The following FAM81A variants were observed in gnomAD, a reference collection of about 807,000 sequenced individuals.
FAM81A encodes protein FAM81A.
Under a neutral mutation model 46.7 loss-of-function variants are expected in FAM81A, and 19 were observed. The observed-to-expected ratio is 0.41, with a 90% CI of 0.28 to 0.60. FAM81A has a LOEUF of 0.60. Among genes scored for constraint, FAM81A ranks in the 20% least tolerant of loss-of-function variants. FAM81A has a pLI of 0.34. For missense variants in FAM81A, 377 were observed against 453.5 expected (o/e 0.83, Z 1.53); for synonymous variants, 183 against 152.9 (o/e 1.20, Z -1.45).
At chr15:59,473,488 A>T (rs74354305) in intron 3 of FAM81A, among the ~76,000 whole-genome samples, 4 of 152,342 alleles carry the variant, frequency 2.6e-5, no homozygotes, top group African/African-American at 9.6e-5. Flanking sequence ...TGTCCCCTGC[A>T]GATAAGAGGG....
At chr15:59,414,762 G>A (rs940908523) in intron 2 of FAM81A, among the ~76,000 whole-genome samples, 11 of 152,134 alleles carry the variant, frequency 7.2e-5, no homozygotes, top group East Asian at 3.8e-4. Context: ...GCAAACTGGT[G>A]TATTTAGCGA....
intron 3 of FAM81A, among the ~76,000 whole-genome samples, chr15:59,462,480 C>T (rs2081564490): frequency 6.6e-6 from 1 of 152,052 alleles, no homozygotes. Context: ...AAGTCTTCTA[C>T]CCATTTTATT....
At chr15:59,476,651 C>T (rs574480982) in intron 3 of FAM81A, among the ~76,000 whole-genome samples, 1 of 151,478 alleles carries the variant, frequency 6.6e-6, no homozygotes, top group South Asian at 2.1e-4. Flanking sequence ...TTAGCTGGGC[C>T]TGATGGCATG....
chr15:59,404,190 T>G lies in FAM81A; in HGVS notation c.-78+1832T>G, dbSNP rs547979699. ...AACCACCATGCCCGGCCTGAATTGTTTCTAAAGGTAAACCTCTACAAACAA... is the reference window on the plus strand; with the variant it reads ...AACCACCATGCCCGGCCTGAATTGTGTCTAAAGGTAAACCTCTACAAACAA... On this transcript the variant is annotated intron_variant, in intron 2 of 4. Transcript: ENST00000558348. 2.6e-5 allele frequency among the ~76,000 whole-genome samples: 4 copies of G among 152,080 alleles called. No homozygotes were observed. The South Asian group carries it at 8.3e-4, about 32-fold the overall frequency.
At chr15:59,405,055 AG>A (rs752537584) in intron 2 of FAM81A, among the ~76,000 whole-genome samples, 4 of 152,134 alleles carry the variant, frequency 2.6e-5, no homozygotes, top group Non-Finnish European at 4.4e-5. Context: ...CTTTCTTCCA[AG>A]CTTTGTTTCT....
chr15:59,415,788 G>C (rs1193653624), intron 2 of FAM81A, among the ~76,000 whole-genome samples: 2 of 152,188 alleles, frequency 1.3e-5, no homozygotes, highest in Admixed American at 1.3e-4. Flanking sequence ...GCTGAGAGGA[G>C]TTAGCTGCTC....
chr15:59,508,964 C>T lies in FAM81A; in HGVS notation c.645C>T (p.Asp215=). ...GTAACCACCAGCTTCAGCTTTTGGACACTAAGTAAGCAATCAATTTATTAA... is the reference window on the plus strand; with the variant it reads ...GTAACCACCAGCTTCAGCTTTTGGATACTAAGTAAGCAATCAATTTATTAA... ...RDSNHQLQLL[D]TKFKGTVEEL... Residue 215 remains aspartate (D), a synonymous_variant, in exon 6 of 9, where the codon GAC becomes GAT. Coordinates refer to ENST00000288228, the MANE Select transcript of FAM81A (RefSeq NM_152450.3). 2 of 1,611,066 alleles carry T rather than the reference C, an allele frequency of 1.2e-6. No individual in the cohort carries two copies. The highest frequency in any genetic ancestry group is 1.7e-4 in the Middle Eastern group (1 of 6,046).
intron 3 of FAM81A, among the ~76,000 whole-genome samples, chr15:59,473,608 C>G (rs1246806710): frequency 6.6e-6 from 1 of 152,184 alleles, no homozygotes; most frequent in Non-Finnish European, 1.5e-5. Context: ...GAACTCAGCT[C>G]TGTTCCCTTT....
chr15:59,402,050 A>AC (rs2081073512), intron 1 of FAM81A: 2 of 544,988 alleles, frequency 3.7e-6, no homozygotes, highest in Admixed American at 6.1e-5. Context: ...GGTGCGAAAA[A>AC]CGCTCTCAAT....
intron 1 of FAM81A, among the ~76,000 whole-genome samples, chr15:59,458,238 G>A (rs2081507480): frequency 6.6e-6 from 1 of 152,168 alleles, no homozygotes; most frequent in Non-Finnish European, 1.5e-5. Context: ...TGTTAAAAGT[G>A]GTTTCTCAAG....
At chr15:59,420,082 T>C (rs930941752) in intron 2 of FAM81A, among the ~76,000 whole-genome samples, 1 of 152,152 alleles carries the variant, frequency 6.6e-6, no homozygotes, top group Non-Finnish European at 1.5e-5. Flanking sequence ...AATCCTGGCA[T>C]AGAAAATCCA....
intron 2 of FAM81A, among the ~76,000 whole-genome samples, chr15:59,410,788 G>T (rs1293892138): frequency 1.3e-5 from 2 of 152,224 alleles, no homozygotes; most frequent in African/African-American, 4.8e-5. Context: ...CCTTCACCCA[G>T]GCTATTGTGC....
At chr15:59,502,056 A>G (rs1168202612) in intron 4 of FAM81A, among the ~76,000 whole-genome samples, 4 of 151,766 alleles carry the variant, frequency 2.6e-5, no homozygotes, top group Non-Finnish European at 4.4e-5. Flanking sequence ...AAACTCACCA[A>G]TTGTTAACAA....
rs192556994 is a variant in FAM81A at position 59,409,783 on chromosome 15, T to C, written c.-78+7425T>C. Among the ~76,000 whole-genome samples, 11 of 152,308 alleles carry C rather than the reference T, an allele frequency of 7.2e-5. 1 individual carries two copies. Among genetic ancestry groups the C allele is most frequent in the Admixed American group, 6.5e-4 (10 of 15,298 alleles). Reference sequence around the variant, plus strand: ...TTTATCTGCTTTTTTTCTCATCCAATAGTCAGAATAACTCTATATTAGCCT... The same window carrying C: ...TTTATCTGCTTTTTTTCTCATCCAACAGTCAGAATAACTCTATATTAGCCT... On this transcript the variant is annotated intron_variant, in intron 2 of 4. Coordinates refer to the FAM81A transcript ENST00000558348.
At chr15:59,507,491 C>T (rs2082162137) in intron 5 of FAM81A, 149 bp downstream of exon 5, 1 of 1,201,390 alleles carries the variant, frequency 8.3e-7, no homozygotes, top group African/African-American at 1.5e-5. Flanking sequence ...TTGATTCTTC[C>T]TTTCCTATTT....
chr15:59,511,736 C>T (rs2082210795), intron 6 of FAM81A, among the ~76,000 whole-genome samples: 2 of 152,164 alleles, frequency 1.3e-5, no homozygotes, highest in Admixed American at 6.5e-5. Flanking sequence ...ACTGCAACCT[C>T]CACCTCCCGG....
chr15:59,451,803 A>G (rs2081422458), intron 1 of FAM81A, among the ~76,000 whole-genome samples: 2 of 134,218 alleles, frequency 1.5e-5, no homozygotes, highest in African/African-American at 4.9e-5. Flanking sequence ...CATGCTGTGT[A>G]TACCATCCTC....
intron 2 of FAM81A, among the ~76,000 whole-genome samples, chr15:59,430,156 G>C (rs2081213272): frequency 6.6e-6 from 1 of 152,028 alleles, no homozygotes; most frequent in African/African-American, 2.4e-5. Flanking sequence ...ATTTTCACTG[G>C]GAGAAAGAAT....
At chr15:59,504,316 G>A (rs1332958715) in intron 4 of FAM81A, among the ~76,000 whole-genome samples, 1 of 152,042 alleles carries the variant, frequency 6.6e-6, no homozygotes, top group African/African-American at 2.4e-5. Context: ...CAAGTATCTA[G>A]TACAGTACCT....
Sources: gnomAD v4.1 joint callset for allele counts (sites outside exome capture counted in the v4.1 genomes callset) on GRCh38, gnomAD v4.1.1 for gene constraint, MANE v1.5 for transcripts, NCBI Gene and HGNC (gene_info 2026-07-23, HGNC 2026-07-21) for gene names.